LIMD1: variants seen among roughly 807,000 people sequenced by gnomAD.
LIMD1 encodes the protein LIM domain-containing protein 1.
A neutral mutation model predicts 58.4 loss-of-function variants in LIMD1; 23 were observed. The ratio of observed to expected loss-of-function variants is 0.39; its 90% CI spans 0.28 to 0.56. LIMD1 has a LOEUF of 0.56. Among genes scored for constraint, LIMD1 ranks in the 20% least tolerant of loss-of-function variants. The probability of loss-of-function intolerance (pLI) is 0.57; values close to 1 mark genes in which losing one functional copy is unlikely to be tolerated. For synonymous variants in LIMD1, 334 were observed against 345.5 expected (o/e 0.97, Z 0.37); for missense variants, 838 against 855.5 (o/e 0.98, Z 0.25).
In LIMD1 at chr3:45,596,154, T is replaced by C; in HGVS notation, c.1275T>C (p.Pro425=). ...GSVLLDSPSS[P]RVRLPCQPLV... Reference sequence around the variant, plus strand: ...TGCTCCTGGACAGCCCCAGCTCCCCTAGGGTAAGGCTGCCCTGCCAGCCCC... The same window carrying C: ...TGCTCCTGGACAGCCCCAGCTCCCCCAGGGTAAGGCTGCCCTGCCAGCCCC... Residue 425 remains proline (P), a synonymous_variant, in exon 1 of 8, where the codon CCT becomes CCC. Coordinates refer to ENST00000273317, the MANE Select transcript of LIMD1 (RefSeq NM_014240.3). 6.2e-7 allele frequency: 1 copy of C among 1,614,082 alleles called. No individual in the cohort carries two copies. Among genetic ancestry groups the C allele is most frequent in the Non-Finnish European group, 8.5e-7 (1 of 1,179,998 alleles).
chr3:45,621,213 C>T (rs1449848760), intron 1 of LIMD1, among the ~76,000 whole-genome samples: 1 of 152,148 alleles, frequency 6.6e-6, no homozygotes, highest in East Asian at 1.9e-4. Context: ...CCCTCCCCTC[C>T]CCTCTCTTTT....
chr3:45,624,990 C>G (rs903752347), intron 1 of LIMD1, among the ~76,000 whole-genome samples: 1 of 150,758 alleles, frequency 6.6e-6, no homozygotes, highest in Non-Finnish European at 1.5e-5. Context: ...TGATTTAATA[C>G]CAATTCAGGG....
intron 1 of LIMD1, among the ~76,000 whole-genome samples, chr3:45,597,562 G>A (rs985518783): frequency 6.6e-6 from 1 of 152,302 alleles, no homozygotes; most frequent in East Asian, 1.9e-4. Context: ...GTAATGATTA[G>A]TTGTCTCATA....
intron 1 of LIMD1, among the ~76,000 whole-genome samples, chr3:45,631,309 A>T (rs925079350): frequency 6.6e-6 from 1 of 152,004 alleles, no homozygotes; most frequent in Non-Finnish European, 1.5e-5. Flanking sequence ...TCAAAAAAAA[A>T]ACAAAGAAAG....
At chr3:45,608,615 G>A (rs548625671) in intron 1 of LIMD1, among the ~76,000 whole-genome samples, 6 of 152,154 alleles carry the variant, frequency 3.9e-5, no homozygotes, top group Admixed American at 2.0e-4. Flanking sequence ...CGAGGCGGGC[G>A]GATCACTTGA....
At chr3:45,632,098 G>A (rs1028167558) in intron 1 of LIMD1, among the ~76,000 whole-genome samples, 7 of 152,192 alleles carry the variant, frequency 4.6e-5, no homozygotes, top group South Asian at 2.1e-4. Context: ...TTTACACCAC[G>A]TTTGTGAGCA....
intron 1 of LIMD1, among the ~76,000 whole-genome samples, chr3:45,628,087 A>G (rs930771652): frequency 3.3e-5 from 5 of 152,104 alleles, no homozygotes; most frequent in Non-Finnish European, 7.4e-5. Context: ...CTTGAGAGAT[A>G]GGAAGCAAAT....
intron 1 of LIMD1, chr3:45,632,416 T>G (rs755512565): frequency 1.2e-5 from 6 of 509,492 alleles, no homozygotes; most frequent in Non-Finnish European, 1.5e-5. Flanking sequence ...TTTCTCTGTG[T>G]TTAGGTCTGC....
At chr3:45,614,568 A>G (rs267226) in intron 1 of LIMD1, among the ~76,000 whole-genome samples, 1 of 151,304 alleles carries the variant, frequency 6.6e-6, no homozygotes, top group Admixed American at 6.6e-5. Flanking sequence ...ACGAAAAATA[A>G]AAAAATTAGC....
At chr3:45,643,588 CT>C (rs1360305053) in intron 2 of LIMD1, among the ~76,000 whole-genome samples, 1 of 152,152 alleles carries the variant, frequency 6.6e-6, no homozygotes, top group Non-Finnish European at 1.5e-5. Flanking sequence ...ATTTCACAGA[CT>C]AAACAAATTC....
chr3:45,666,897 T>C (rs1437952516), intron 3 of LIMD1, among the ~76,000 whole-genome samples: 1 of 152,220 alleles, frequency 6.6e-6, no homozygotes, highest in Non-Finnish European at 1.5e-5. Context: ...TCTCCCTGCC[T>C]TCCCTTGAGA....
At position 45,651,023 on chromosome 3, in the gene LIMD1, G is replaced by A. The variant is rs191030913; in HGVS notation, c.1511-14627G>A. Among the ~76,000 whole-genome samples, 263 of 133,392 alleles carry A rather than the reference G, an allele frequency of 2.0e-3. 5 individuals are homozygous for A. Among genetic ancestry groups the A allele is most frequent in the African/African-American group, 7.2e-3 (246 of 34,120 alleles). 87.5% of individuals were successfully genotyped at this position (133,392 alleles called of 152,430 possible). On this transcript the variant is annotated intron_variant, in intron 2 of 7. Transcript: ENST00000273317. ...GTTGTTTCCTGACTTTTTAATAATC[G>A]CCATTCTAACTGACATGAGATGGTA...
chr3:45,628,838 A>ATT (rs1701696698), intron 1 of LIMD1, among the ~76,000 whole-genome samples: 1 of 152,366 alleles, frequency 6.6e-6, no homozygotes, highest in East Asian at 1.9e-4. Flanking sequence ...AAGAGGAATG[A>ATT]GCTCCTGCTG....
At position 45,650,585 on chromosome 3, in the gene LIMD1, G is replaced by A. The variant is rs964078041; in HGVS notation, c.1510+14334G>A. Among the ~76,000 whole-genome samples, 4 of 149,704 alleles carry A rather than the reference G, an allele frequency of 2.7e-5. No individual in the cohort carries two copies. In the East Asian group the frequency reaches 7.9e-4, roughly 30 times the overall value. On this transcript the variant is annotated intron_variant, in intron 2 of 7. Coordinates refer to ENST00000273317, the MANE Select transcript of LIMD1 (RefSeq NM_014240.3). ...TCCCACTTATGAGTGAGAACATGCG[G>A]TATTTGGTTTTCTGTCCTTGTGATA...
rs192624338 is a variant in LIMD1, at chr3:45,680,473, C to T, written c.*3414C>T. 82 of 152,182 alleles carry T rather than the reference C, an allele frequency of 5.4e-4. No individual in the cohort carries two copies. Among genetic ancestry groups the T allele is most frequent in the African/African-American group, 1.8e-3 (75 of 41,492 alleles). The allele number at this position is 152,182 out of a possible 1,614,324, so 9.4% of individuals were successfully genotyped here. The stretch of plus-strand genomic sequence containing the variant: ...GACCACAGGCGTGTATGACTGGCTA[C>T]GCCTGGCTAATTTTTGTATTTTTAA... On this transcript the variant is annotated 3_prime_UTR_variant, in exon 8 of 8. Coordinates refer to ENST00000273317, the MANE Select transcript of LIMD1 (RefSeq NM_014240.3).
intron 1 of LIMD1, among the ~76,000 whole-genome samples, chr3:45,627,145 G>A (rs1701675273): frequency 6.6e-6 from 1 of 152,064 alleles, no homozygotes; most frequent in Non-Finnish European, 1.5e-5. Flanking sequence ...TGTGCGTAGG[G>A]GTGGGCTTGG....
chr3:45,660,322 A>T (rs1697413167), intron 2 of LIMD1, among the ~76,000 whole-genome samples: 1 of 151,804 alleles, frequency 6.6e-6, no homozygotes, highest in Non-Finnish European at 1.5e-5. Flanking sequence ...GGAGCTCCAC[A>T]AGTAAAGATT....
At chr3:45,672,600 C>G in intron 4 of LIMD1, 90 bp from the exon 5 acceptor site, 1 of 1,424,732 alleles carries the variant, frequency 7.0e-7, no homozygotes, top group Non-Finnish European at 9.7e-7. Context: ...TGTGACTGCT[C>G]ATGTAATCCT....
At position 45,596,392 on chromosome 3, in the gene LIMD1, TTGAG is replaced by T. The variant is rs752695084; in HGVS notation, c.1408+108_1408+111del. The T allele has an allele frequency of 4.7e-6, 4 of 855,130 alleles. No homozygotes were observed. The South Asian group carries it at 7.3e-5, about 16-fold the overall frequency. 53.0% of individuals were successfully genotyped at this position (855,130 alleles called of 1,614,324 possible). A position where few individuals can be genotyped will look rare whatever the true frequency, so the allele number is the denominator to read the frequency against. ...TGCTGTGGGCTGTAGTTACCTCTCT[TTGAG>T]TGGCCTGTTTTTTTATTTTTTTGTT... On this transcript the variant is annotated intron_variant, in intron 1 of 7. Coordinates refer to ENST00000273317, the MANE Select transcript of LIMD1 (RefSeq NM_014240.3).
Sources: allele counts gnomAD v4.1 joint callset (sites outside exome capture counted in the v4.1 genomes callset), GRCh38; gene constraint gnomAD v4.1.1; transcripts MANE v1.5; gene names NCBI Gene and HGNC (gene_info 2026-07-23, HGNC 2026-07-21).